GNA14: variants seen among roughly 807,000 people sequenced by gnomAD.
GNA14 encodes the protein G protein subunit alpha 14, also known as guanine nucleotide-binding protein subunit alpha-14.
GNA14 carries 50 observed loss-of-function variants against 42.0 expected under a neutral mutation model. That is an observed-to-expected ratio of 1.19 (90% CI 0.95 to 1.51). The LOEUF is 1.51. Among genes scored for constraint, GNA14 ranks in the 40% most tolerant of loss-of-function variants. GNA14 has a pLI of 0.00. For missense variants in GNA14, 473 were observed against 446.2 expected, an observed-to-expected ratio of 1.06 and a Z score of -0.54; for synonymous variants, 173 against 163.1, an observed-to-expected ratio of 1.06 and a Z score of -0.46.
intron 1 of GNA14, among the ~76,000 whole-genome samples, chr9:77,606,041 A>G (rs932244591): frequency 6.6e-6 from 1 of 152,228 alleles, no homozygotes; most frequent in Non-Finnish European, 1.5e-5. Context: ...GAAGTGGTTC[A>G]GGAAATGTTT....
intron 2 of GNA14, among the ~76,000 whole-genome samples, chr9:77,522,005 A>G (rs1029934927): frequency 6.6e-5 from 10 of 151,878 alleles, no homozygotes; most frequent in African/African-American, 2.4e-4. Flanking sequence ...GCTAATTTTT[A>G]TATATATTTT....
chr9:77,462,259 GC>G (rs1167845815), intron 2 of GNA14, among the ~76,000 whole-genome samples: 2 of 152,188 alleles, frequency 1.3e-5, no homozygotes, highest in Non-Finnish European at 2.9e-5. Flanking sequence ...TCTCAGACAG[GC>G]AGTTCTTTTC....
chr9:77,472,741 C>T (rs1162192755), intron 2 of GNA14, among the ~76,000 whole-genome samples: 3 of 151,362 alleles, frequency 2.0e-5, no homozygotes, highest in Admixed American at 6.6e-5. Flanking sequence ...AGAGTGGTGC[C>T]GTCACGATGG....
chr9:77,589,848 G>A (rs188017649), intron 1 of GNA14, among the ~76,000 whole-genome samples: 1 of 152,256 alleles, frequency 6.6e-6, no homozygotes, highest in African/African-American at 2.4e-5. Context: ...TATAATCAGG[G>A]AAACATCAAA....
intron 1 of GNA14, among the ~76,000 whole-genome samples, chr9:77,544,914 TAA>T (rs1443687766): frequency 2.0e-5 from 3 of 152,090 alleles, no homozygotes; most frequent in African/African-American, 7.2e-5. Flanking sequence ...TCTCAGCCTT[TAA>T]AAAGAGTATG....
At chr9:77,524,065 T>TC (rs1837399207) in intron 2 of GNA14, among the ~76,000 whole-genome samples, 1 of 152,222 alleles carries the variant, frequency 6.6e-6, no homozygotes, top group East Asian at 1.9e-4. Flanking sequence ...AATGCCTTTG[T>TC]AATATTTATT....
chr9:77,640,120 G>A (rs1449849859), intron 1 of GNA14, among the ~76,000 whole-genome samples: 2 of 152,212 alleles, frequency 1.3e-5, no homozygotes, highest in Non-Finnish European at 2.9e-5. Flanking sequence ...AAGGTCTGCA[G>A]AGAGGGCTCT....
rs1375467093 is a variant in GNA14 at position 77,647,740 on chromosome 9, G to A, written c.54C>T (p.Ser18=). 1 of 1,609,648 alleles carries A rather than the reference G, an allele frequency of 6.2e-7. No individual in the cohort carries two copies. Among genetic ancestry groups the A allele is most frequent in the Non-Finnish European group, 8.5e-7 (1 of 1,178,458 alleles). Residue 18 remains serine (S), a synonymous_variant, in exon 1 of 7, where the codon AGC becomes AGT. Transcript: ENST00000341700. ...GACGAAGCTGTCGCTCGATCTCCGC[G>A]CTGATGCGCTGCGACTCCTTCTCCT... ...SAEEKESQRI[S]AEIERQLRRD...
intron 5 of GNA14, among the ~76,000 whole-genome samples, 193 bp from the exon 6 acceptor site, chr9:77,425,908 TACTA>T (rs973030027): frequency 6.6e-6 from 1 of 152,160 alleles, no homozygotes; most frequent in Non-Finnish European, 1.5e-5. Flanking sequence ...CCAAGCCTCT[TACTA>T]ACCATCCCCT....
chr9:77,484,612 A>G (rs563176747), intron 2 of GNA14, among the ~76,000 whole-genome samples: 2 of 152,116 alleles, frequency 1.3e-5, no homozygotes, highest in Non-Finnish European at 2.9e-5. Flanking sequence ...TTTTCATTTT[A>G]TATCTTGTAG....
At chr9:77,639,768 A>G (rs538404480) in intron 1 of GNA14, among the ~76,000 whole-genome samples, 1 of 152,240 alleles carries the variant, frequency 6.6e-6, no homozygotes, top group South Asian at 2.1e-4. Context: ...CATTAATTCT[A>G]TTTCCTGCTT....
chr9:77,443,538 A>T (rs561920736), intron 2 of GNA14, among the ~76,000 whole-genome samples: 1 of 152,354 alleles, frequency 6.6e-6, no homozygotes. Flanking sequence ...TTCAAGATTC[A>T]ACAGAAATCT....
chr9:77,459,239 G>GA (rs1810413581), intron 2 of GNA14, among the ~76,000 whole-genome samples: 3 of 74,304 alleles, frequency 4.0e-5, no homozygotes, highest in South Asian at 3.2e-4. Flanking sequence ...CAGTCTCAGG[G>GA]AAAAAAAAGA....
At chr9:77,537,627 T>C (rs1412341646) in intron 1 of GNA14, among the ~76,000 whole-genome samples, 1 of 152,232 alleles carries the variant, frequency 6.6e-6, no homozygotes, top group Non-Finnish European at 1.5e-5. Context: ...TGTATGGTAA[T>C]CTATTTTGAG....
At chr9:77,536,808 T>C (rs2131773772) in intron 1 of GNA14, among the ~76,000 whole-genome samples, 1 of 152,346 alleles carries the variant, frequency 6.6e-6, no homozygotes, top group African/African-American at 2.4e-5. Flanking sequence ...GTACCTCTTA[T>C]ATCAGACAAA....
intron 1 of GNA14, among the ~76,000 whole-genome samples, chr9:77,641,100 GGAAGGAAGGAAGGAAGGAA>G (rs1564073585): frequency 8.9e-4 from 1 of 1,120 alleles, no homozygotes; most frequent in African/African-American, 1.9e-3. Flanking sequence ...GGGAGGGGGG[GGAAGGAAGGAAGGAAGGAA>G]GGAAGGAAGG....
chr9:77,647,589 C>A, intron 1 of GNA14, 81 bp downstream of exon 1: 1 of 1,486,146 alleles, frequency 6.7e-7, no homozygotes, highest in Non-Finnish European at 9.0e-7. Context: ...GCTCCAGGGC[C>A]GCGCGGGTGC....
chr9:77,546,662 T>C (rs1837723757), intron 1 of GNA14, among the ~76,000 whole-genome samples: 1 of 152,114 alleles, frequency 6.6e-6, no homozygotes, highest in Admixed American at 6.5e-5. Flanking sequence ...GACCAAAACA[T>C]TTGGGTGAGA....
intron 2 of GNA14, among the ~76,000 whole-genome samples, chr9:77,453,987 C>T (rs1448351931): frequency 6.6e-6 from 1 of 152,210 alleles, no homozygotes; most frequent in African/African-American, 2.4e-5. Flanking sequence ...TGCTAATGCT[C>T]AGAAGTGAAA....
Sources: allele counts gnomAD v4.1 joint callset (sites outside exome capture counted in the v4.1 genomes callset), GRCh38; gene constraint gnomAD v4.1.1; transcripts MANE v1.5; gene names NCBI Gene and HGNC (gene_info 2026-07-23, HGNC 2026-07-21).